NKAIN3: variants seen among roughly 807,000 people sequenced by gnomAD.
NKAIN3 encodes sodium/potassium transporting ATPase interacting 3.
A neutral mutation model predicts 30.2 loss-of-function variants in NKAIN3; 25 were observed. The ratio of observed to expected loss-of-function variants is 0.83; its 90% CI spans 0.60 to 1.16. The LOEUF (loss-of-function observed/expected upper bound fraction) is 1.16. Among genes scored for constraint, NKAIN3 ranks in the 50% most tolerant of loss-of-function variants. The pLI is 0.00. For missense variants in NKAIN3, 225 were observed against 254.1 expected (o/e 0.89, Z 0.78); for synonymous variants, 91 against 89.6 (o/e 1.02, Z -0.09).
intron 4 of NKAIN3, among the ~76,000 whole-genome samples, chr8:62,831,781 G>C (rs547589733): frequency 1.3e-5 from 2 of 152,160 alleles, no homozygotes; most frequent in African/African-American, 2.4e-5. Context: ...AGAATAACTT[G>C]GAAAACATAT....
chr8:62,535,465 G>A (rs753332357), intron 1 of NKAIN3, among the ~76,000 whole-genome samples: 16 of 152,008 alleles, frequency 1.1e-4, no homozygotes, highest in Non-Finnish European at 1.0e-4. Context: ...CACTCACCCC[G>A]CTACCAGTCC....
intron 1 of NKAIN3, among the ~76,000 whole-genome samples, chr8:62,562,448 A>G (rs1809617371): frequency 1.3e-5 from 2 of 152,188 alleles, no homozygotes; most frequent in Non-Finnish European, 2.9e-5. Flanking sequence ...AAATACTTCT[A>G]TCTTTTTCTA....
At chr8:62,655,845 T>C (rs1256968070) in intron 3 of NKAIN3, among the ~76,000 whole-genome samples, 2 of 151,544 alleles carry the variant, frequency 1.3e-5, no homozygotes, top group Non-Finnish European at 2.9e-5. Flanking sequence ...ATGAAGAATA[T>C]GTAATGAAGA....
chr8:62,683,251 G>A, intron 3 of NKAIN3, among the ~76,000 whole-genome samples: 1 of 152,098 alleles, frequency 6.6e-6, no homozygotes, highest in East Asian at 1.9e-4. Context: ...AACCAGGATG[G>A]TCTTGATCTC....
chr8:62,380,971 A>C (rs1817258016), intron 1 of NKAIN3, among the ~76,000 whole-genome samples: 1 of 152,172 alleles, frequency 6.6e-6, no homozygotes, highest in East Asian at 1.9e-4. Flanking sequence ...GGGACTTTAT[A>C]ATTTACTTCT....
chr8:62,529,003 A>G (rs575680341), intron 1 of NKAIN3, among the ~76,000 whole-genome samples: 2 of 152,306 alleles, frequency 1.3e-5, no homozygotes, highest in South Asian at 2.1e-4. Flanking sequence ...AATTATAATC[A>G]GGACTCTCTG....
At chr8:62,347,526 A>G (rs936944333) in intron 1 of NKAIN3, among the ~76,000 whole-genome samples, 3 of 152,278 alleles carry the variant, frequency 2.0e-5, no homozygotes, top group Admixed American at 6.5e-5. Flanking sequence ...AGGAAGATCA[A>G]AAAGTAGACA....
chr8:62,510,268 C>T (rs1467248541), intron 1 of NKAIN3, among the ~76,000 whole-genome samples: 5 of 152,004 alleles, frequency 3.3e-5, no homozygotes, highest in Admixed American at 1.3e-4. Flanking sequence ...AAACAATAAA[C>T]GCTACCAAAC....
chr8:62,829,746 A>AGATAGATAGAT (rs1819137127), intron 4 of NKAIN3, among the ~76,000 whole-genome samples: 1 of 146,738 alleles, frequency 6.8e-6, no homozygotes, highest in South Asian at 2.1e-4. Context: ...GATAGATGAT[A>AGATAGATAGAT]GATAGATAGA....
intron 1 of NKAIN3, among the ~76,000 whole-genome samples, chr8:62,438,085 G>C (rs796295062): frequency 7.9e-5 from 12 of 152,222 alleles, no homozygotes; most frequent in African/African-American, 2.9e-4. Context: ...TGGGTCCCAT[G>C]AGCAATGCGC....
chr8:62,595,904 A>G (rs370183703), intron 3 of NKAIN3, among the ~76,000 whole-genome samples: 2 of 152,118 alleles, frequency 1.3e-5, no homozygotes, highest in Admixed American at 6.6e-5. Context: ...TTGAAGAACG[A>G]TTTGTAGTTT....
chr8:62,916,060 C>T (rs1179954938), intron 4 of NKAIN3, among the ~76,000 whole-genome samples: 1 of 152,126 alleles, frequency 6.6e-6, no homozygotes, highest in African/African-American at 2.4e-5. Context: ...TATGGAAAAG[C>T]AGGCATTGTC....
chr8:62,749,655 A>ATTAGAATTG (rs1471939341), intron 4 of NKAIN3, among the ~76,000 whole-genome samples: 1 of 132,778 alleles, frequency 7.5e-6, no homozygotes, highest in Non-Finnish European at 1.7e-5. Flanking sequence ...ATGTATACTT[A>ATTAGAATTG]TTAGAATTGT....
At chr8:62,535,073 T>C (rs936641151) in intron 1 of NKAIN3, among the ~76,000 whole-genome samples, 8 of 152,160 alleles carry the variant, frequency 5.3e-5, no homozygotes, top group Admixed American at 2.6e-4. Context: ...ATGGAGTCAT[T>C]ACTACCATTC....
intron 3 of NKAIN3, among the ~76,000 whole-genome samples, chr8:62,673,936 C>T (rs1813390788): frequency 6.6e-6 from 1 of 152,202 alleles, no homozygotes; most frequent in African/African-American, 2.4e-5. Flanking sequence ...ACCTAGAAAT[C>T]ACCTGTGAAT....
chr8:62,359,105 C>G (rs1166276155), intron 1 of NKAIN3, among the ~76,000 whole-genome samples: 1 of 152,152 alleles, frequency 6.6e-6, no homozygotes, highest in East Asian at 1.9e-4. Context: ...ATAGTGTGAA[C>G]CCGGGAAGCG....
intron 4 of NKAIN3, among the ~76,000 whole-genome samples, chr8:62,904,916 G>A (rs904787122): frequency 3.3e-5 from 5 of 152,162 alleles, no homozygotes; most frequent in South Asian, 2.1e-4. Flanking sequence ...AGAGGAAGAA[G>A]CAGATTCTCT....
chr8:62,590,890 A>C (rs905598677), intron 3 of NKAIN3, among the ~76,000 whole-genome samples: 1 of 151,924 alleles, frequency 6.6e-6, no homozygotes, highest in African/African-American at 2.4e-5. Flanking sequence ...ACCAGAAGCA[A>C]CGTTTCCAAT....
At chr8:62,323,737 TG>T (rs1180017066) in intron 1 of NKAIN3, among the ~76,000 whole-genome samples, 1 of 152,024 alleles carries the variant, frequency 6.6e-6, no homozygotes, top group Non-Finnish European at 1.5e-5. Context: ...ATGAATCAAC[TG>T]TGATACATCC....
Sources: allele counts gnomAD v4.1 joint callset (sites outside exome capture counted in the v4.1 genomes callset), GRCh38; gene constraint gnomAD v4.1.1; transcripts MANE v1.5; gene names NCBI Gene and HGNC (gene_info 2026-07-23, HGNC 2026-07-21).